TNPO1: variants seen among roughly 807,000 people sequenced by gnomAD.
TNPO1 encodes transportin-1.
In TNPO1, 8 loss-of-function variants were observed where a neutral mutation model predicts 119.5. That is an observed-to-expected ratio of 0.07 (90% CI 0.04 to 0.12). TNPO1 has a LOEUF of 0.12. Ranked by LOEUF, TNPO1 falls within the 10% of genes least tolerant of loss-of-function variation. The pLI, the probability that TNPO1 is intolerant of heterozygous loss-of-function variation, is 1.00. For missense variants in TNPO1, 576 were observed against 1,089.8 expected, an observed-to-expected ratio of 0.53 and a Z score of 6.64; for synonymous variants, 362 against 363.0, an observed-to-expected ratio of 1.00 and a Z score of 0.03.
At chr5:72,818,385 T>C (rs887151004) in intron 1 of TNPO1, among the ~76,000 whole-genome samples, 5 of 152,268 alleles carry the variant, frequency 3.3e-5, no homozygotes, top group Non-Finnish European at 5.9e-5. Flanking sequence ...TCATTGTTTT[T>C]ATGACTGTAG....
At chr5:72,907,130 C>T (rs1264103566) in intron 24 of TNPO1, among the ~76,000 whole-genome samples, 3 of 152,086 alleles carry the variant, frequency 2.0e-5, no homozygotes, top group Non-Finnish European at 4.4e-5. Context: ...TATGTGTTGT[C>T]CTACTTCAGT....
chr5:72,869,862 CTGCCTTTGTTAT>C lies in TNPO1; in HGVS notation c.597-2768_597-2757del, dbSNP rs569049111. ...TGAATATGTGACATGAGTAATTATT[CTGCCTTTGTTAT>C]TGCCTTTGATCACCAGAAATCAATA... On this transcript the variant is annotated intron_variant, in intron 6 of 24. Coordinates refer to ENST00000337273, the MANE Select transcript of TNPO1 (RefSeq NM_002270.4). 3.9e-5 allele frequency among the ~76,000 whole-genome samples: 6 copies of C among 152,214 alleles called. No homozygotes were observed. The East Asian group carries it at 1.2e-3, about 29-fold the overall frequency.
intron 1 of TNPO1, among the ~76,000 whole-genome samples, chr5:72,822,277 A>C (rs1330006104): frequency 2.6e-5 from 4 of 152,166 alleles, no homozygotes; most frequent in African/African-American, 9.6e-5. Flanking sequence ...TAAACATGGA[A>C]TAATGATTTA....
chr5:72,879,646 C>G (rs1748079202), intron 9 of TNPO1, among the ~76,000 whole-genome samples: 4 of 152,136 alleles, frequency 2.6e-5, no homozygotes, highest in Admixed American at 2.0e-4. Context: ...AGCCATGGGC[C>G]ACGGTACCCA....
chr5:72,852,079 T>G (rs1369896811), intron 3 of TNPO1, among the ~76,000 whole-genome samples: 1 of 152,202 alleles, frequency 6.6e-6, no homozygotes, highest in Non-Finnish European at 1.5e-5. Context: ...TCTTATATGG[T>G]CACATACTAT....
intron 8 of TNPO1, 98 bp downstream of exon 8, chr5:72,875,835 T>A (rs1747724201): frequency 2.2e-6 from 3 of 1,343,660 alleles, no homozygotes; most frequent in Non-Finnish European, 3.0e-6. Flanking sequence ...GACTATAAAA[T>A]AGTTATAATT....
At chr5:72,881,340 A>G (rs922192011) in intron 9 of TNPO1, among the ~76,000 whole-genome samples, 9 of 152,128 alleles carry the variant, frequency 5.9e-5, no homozygotes, top group African/African-American at 2.2e-4. Flanking sequence ...CGAACTCCTG[A>G]CCTCGTGATC....
chr5:72,871,006 A>G (rs935390628), intron 6 of TNPO1, among the ~76,000 whole-genome samples: 1 of 152,056 alleles, frequency 6.6e-6, no homozygotes, highest in Admixed American at 6.5e-5. Flanking sequence ...GTCTCTCTCC[A>G]TCGCCCAGGC....
chr5:72,822,742 A>G (rs967227129), intron 1 of TNPO1, among the ~76,000 whole-genome samples: 5 of 151,652 alleles, frequency 3.3e-5, no homozygotes, highest in Non-Finnish European at 5.9e-5. Context: ...ACAGGCACAC[A>G]TCGCCATGCC....
At chr5:72,860,142 A>G (rs1447687231) in intron 4 of TNPO1, among the ~76,000 whole-genome samples, 1 of 152,168 alleles carries the variant, frequency 6.6e-6, no homozygotes, top group Admixed American at 6.5e-5. Flanking sequence ...ATTGAGAGCA[A>G]CCTTCTCAGA....
At chr5:72,833,592 A>C (rs1744570419) in intron 1 of TNPO1, among the ~76,000 whole-genome samples, 2 of 152,240 alleles carry the variant, frequency 1.3e-5, no homozygotes, top group Non-Finnish European at 2.9e-5. Flanking sequence ...CAACAACTTA[A>C]TATCTCTATT....
chr5:72,845,395 T>C (rs1458143674), intron 1 of TNPO1, among the ~76,000 whole-genome samples: 1 of 152,224 alleles, frequency 6.6e-6, no homozygotes, highest in African/African-American at 2.4e-5. Context: ...TCAGATGTTA[T>C]CTAATTAACC....
Position 72,909,809 on chromosome 5 carries a change from T to C in TNPO1, c.*1136T>C, listed in dbSNP as rs755241792. 18 of 152,616 alleles carry C rather than the reference T, an allele frequency of 1.2e-4. No homozygotes were observed. The highest frequency in any genetic ancestry group is 1.9e-4 in the Non-Finnish European group (13 of 68,030). 9.5% of individuals were successfully genotyped at this position (152,616 alleles called of 1,614,324 possible). ...TTTTAGGATCTGTTAGGAATAAGAT[T>C]GATATTGTATTGTGTGTAACCTGCA... On this transcript the variant is annotated 3_prime_UTR_variant, in exon 25 of 25. Coordinates refer to ENST00000337273, the MANE Select transcript of TNPO1 (RefSeq NM_002270.4).
At position 72,905,306 on chromosome 5, in the gene TNPO1, C is replaced by T; in HGVS notation, c.2593C>T (p.Leu865Phe). Residue 865 changes from leucine (L) to phenylalanine (F), a missense_variant, in exon 24 of 25, where the codon CTT becomes TTT. Physicochemically the swap from Leu to Phe is conservative, Grantham distance 22. Transcript: ENST00000337273. The part of the protein sequence containing the change: ...DDLRDMFCKI[L>F]HGFKNQVGDE... ...TAATGGTTTTTCACTCTTACAGATC[C>T]TTCATGGATTTAAAAATCAAGTTGG... 1 of 1,608,732 alleles carries T rather than the reference C, an allele frequency of 6.2e-7. No homozygotes were observed.
chr5:72,817,169 C>T (rs1235368327), intron 1 of TNPO1, among the ~76,000 whole-genome samples: 1 of 152,218 alleles, frequency 6.6e-6, no homozygotes, highest in Non-Finnish European at 1.5e-5. Flanking sequence ...CGGCGCTGCC[C>T]GAGATGGGCC....
chr5:72,890,678 C>T (rs376136417), intron 14 of TNPO1, among the ~76,000 whole-genome samples: 2 of 152,122 alleles, frequency 1.3e-5, no homozygotes, highest in Admixed American at 1.3e-4. Flanking sequence ...TCTTTAGAGT[C>T]TGTGCCCCTG....
At position 72,909,071 on chromosome 5, in the gene TNPO1, G is replaced by T. The variant is rs1750376210; in HGVS notation, c.*398G>T. ...GACAAGAAAGAGGAACAATTCTATAGCGCACAATAAAGGAAACCTAAGAAT... is the reference window on the plus strand; with the variant it reads ...GACAAGAAAGAGGAACAATTCTATATCGCACAATAAAGGAAACCTAAGAAT... On this transcript the variant is annotated 3_prime_UTR_variant, in exon 25 of 25. Transcript: ENST00000337273. 5.6e-6 allele frequency: 1 copy of T among 178,574 alleles called. No individual in the cohort carries two copies. The highest frequency in any genetic ancestry group is 2.4e-5 in the African/African-American group (1 of 41,556). 11.1% of individuals were successfully genotyped at this position (178,574 alleles called of 1,614,324 possible). A position where few individuals can be genotyped will look rare whatever the true frequency, so the allele number is the denominator to read the frequency against.
In TNPO1 at chr5:72,909,241, C is replaced by T. The variant is rs1207470918; in HGVS notation, c.*568C>T. 6.6e-6 allele frequency: 1 copy of T among 151,936 alleles called. No homozygotes were observed. Among genetic ancestry groups the T allele is most frequent in the Non-Finnish European group, 1.5e-5 (1 of 68,222 alleles). 9.4% of individuals were successfully genotyped at this position (151,936 alleles called of 1,614,324 possible). Reference sequence around the variant, plus strand: ...CTAATATAGTTAAAAGTCAGCTTGCCTTCCCGTAGTAGAAGCAGGTTCTTG... The same window carrying T: ...CTAATATAGTTAAAAGTCAGCTTGCTTTCCCGTAGTAGAAGCAGGTTCTTG... On this transcript the variant is annotated 3_prime_UTR_variant, in exon 25 of 25. Coordinates refer to ENST00000337273, the MANE Select transcript of TNPO1 (RefSeq NM_002270.4).
intron 1 of TNPO1, among the ~76,000 whole-genome samples, chr5:72,824,249 C>T (rs1744108075): frequency 1.3e-5 from 2 of 152,198 alleles, no homozygotes; most frequent in African/African-American, 4.8e-5. Context: ...TATCAGCAAA[C>T]AGATATGCTA....
Sources: gnomAD v4.1 joint callset for allele counts (sites outside exome capture counted in the v4.1 genomes callset) on GRCh38, gnomAD v4.1.1 for gene constraint, MANE v1.5 for transcripts, NCBI Gene and HGNC (gene_info 2026-07-23, HGNC 2026-07-21) for gene names.